MIS18BP1: variants seen among roughly 807,000 people sequenced by gnomAD.
MIS18BP1 encodes the protein mis18-binding protein 1.
A neutral mutation model predicts 116.1 loss-of-function variants in MIS18BP1; 72 were observed. That is an observed-to-expected ratio of 0.62 (90% CI 0.51 to 0.75). The LOEUF is 0.75. Among genes scored for constraint, MIS18BP1 ranks in the 30% least tolerant of loss-of-function variants. The pLI, the probability that MIS18BP1 is intolerant of heterozygous loss-of-function variation, is 0.00. For synonymous variants in MIS18BP1, 386 were observed against 427.0 expected (o/e 0.90, Z 1.18); for missense variants, 1,363 against 1,303.2 (o/e 1.05, Z -0.71).
At chr14:45,208,574 C>T (rs1890589724) in intron 14 of MIS18BP1, among the ~76,000 whole-genome samples, 1 of 152,056 alleles carries the variant, frequency 6.6e-6, no homozygotes, top group East Asian at 1.9e-4. Flanking sequence ...CCTTGTGATC[C>T]GTCGGCCTCA....
Position 45,226,754 on chromosome 14 carries a change from C to G in MIS18BP1, c.1829G>C (p.Ser610Thr). Residue 610 changes from serine (S) to threonine (T), a missense_variant, in exon 10 of 17, where the codon AGT (serine) becomes ACT (threonine). Transcript: ENST00000310806. ...TAAAGATATATTACCTTGCTTCTGACTTTTTATTATCCTTTCATTTGTTCT... is the reference window on the plus strand; with the variant it reads ...TAAAGATATATTACCTTGCTTCTGAGTTTTTATTATCCTTTCATTTGTTCT... ...GERTNERIIK[S>T]QKQETTEELD... 7.2e-7 allele frequency: 1 copy of G among 1,393,542 alleles called. No individual in the cohort carries two copies. Among genetic ancestry groups the G allele is most frequent in the African/African-American group, 1.5e-5 (1 of 67,644 alleles). 86.3% of individuals were successfully genotyped at this position (1,393,542 alleles called of 1,614,324 possible).
At chr14:45,231,888 T>C (rs1891287810) in intron 7 of MIS18BP1, among the ~76,000 whole-genome samples, 1 of 152,112 alleles carries the variant, frequency 6.6e-6, no homozygotes, top group South Asian at 2.1e-4. Context: ...TCAACTATAG[T>C]GTCTGTAAAG....
chr14:45,211,719 T>C (rs537631686), intron 13 of MIS18BP1, among the ~76,000 whole-genome samples: 5 of 152,324 alleles, frequency 3.3e-5, no homozygotes, highest in African/African-American at 1.2e-4. Flanking sequence ...GACACACCTA[T>C]CTGATCTTCT....
intron 7 of MIS18BP1, 42 bp from the exon 8 acceptor site, chr14:45,231,340 C>CA (rs1264114927): frequency 3.4e-6 from 5 of 1,462,232 alleles, no homozygotes; most frequent in South Asian, 2.8e-5. Flanking sequence ...TACTGATTCT[C>CA]AAAAAAACAA....
rs1457863908 is a variant in MIS18BP1, at chr14:45,224,750, T to C, written c.1841-4A>G. 12 of 1,546,078 alleles carry C rather than the reference T, an allele frequency of 7.8e-6. No individual in the cohort carries two copies. The highest frequency in any genetic ancestry group is 1.0e-5 in the Non-Finnish European group (12 of 1,151,996). ...ACATCCAATTCTTCAGTTGTCTCTT[T>C]AATTTCATAAGACAAAACCAAAGAC... On this transcript the variant is annotated splice_polypyrimidine_tract_variant and splice_region_variant and intron_variant, in intron 10 of 16. Coordinates refer to ENST00000310806, the MANE Select transcript of MIS18BP1 (RefSeq NM_018353.5).
chr14:45,219,217 T>A lies in MIS18BP1; in HGVS notation c.2670-763A>T, dbSNP rs151106600. ...AACTACACCAAGTCTTTATTTTTAA[T>A]CTGTTTCTTTGGCAAAATATTTTTA... On this transcript the variant is annotated intron_variant, in intron 11 of 16. Transcript: ENST00000310806. 1.0e-3 allele frequency among the ~76,000 whole-genome samples: 154 copies of A among 152,352 alleles called. 2 individuals are homozygous for A. In the East Asian group the frequency reaches 0.026, roughly 26 times the overall value.
At position 45,242,128 on chromosome 14, in the gene MIS18BP1, T is replaced by C. The variant is rs756501876; in HGVS notation, c.1049A>G (p.His350Arg). The C allele has an allele frequency of 2.5e-5, 41 of 1,614,028 alleles. 1 individual carries two copies. Among genetic ancestry groups the C allele is most frequent in the South Asian group, 5.5e-5 (5 of 91,080 alleles). Reference sequence around the variant, plus strand: ...TTTTGACCTCCGAGGTATTGTTATATGAAGTCTTGGTGTTGCAAGTACAAT... The same window carrying C: ...TTTTGACCTCCGAGGTATTGTTATACGAAGTCTTGGTGTTGCAAGTACAAT... ...CKIVLATPRL[H>R]ITIPRRSKRN... The change falls in exon 4 of 17, where the codon CAT (histidine) becomes CGT (arginine). Residue 350 changes from histidine to arginine, a missense_variant. Coordinates refer to ENST00000310806, the MANE Select transcript of MIS18BP1 (RefSeq NM_018353.5).
intron 14 of MIS18BP1, among the ~76,000 whole-genome samples, chr14:45,209,077 T>G (rs59375426): frequency 0.084 from 12,801 of 152,124 alleles, 1,517 homozygotes; most frequent in African/African-American, 0.26. Flanking sequence ...AGCCCCCCTC[T>G]CCTTCCTCCA....
At chr14:45,205,332 T>G (rs1037946806) in intron 15 of MIS18BP1, among the ~76,000 whole-genome samples, 2 of 152,154 alleles carry the variant, frequency 1.3e-5, no homozygotes, top group African/African-American at 2.4e-5. Flanking sequence ...CTCAAGTAAC[T>G]TGCTCAGTGT....
intron 11 of MIS18BP1, among the ~76,000 whole-genome samples, chr14:45,222,206 T>C (rs767916446): frequency 3.0e-4 from 45 of 152,218 alleles, no homozygotes; most frequent in Non-Finnish European, 1.8e-4. Context: ...GTCTTTTAAT[T>C]GGTATGTTTA....
chr14:45,237,586 A>T (rs1891463124), intron 5 of MIS18BP1, 62 bp downstream of exon 5: 2 of 1,528,050 alleles, frequency 1.3e-6, no homozygotes, highest in Admixed American at 4.6e-5. Context: ...TCATGCATTA[A>T]CTCTTAAGTG....
At chr14:45,228,217 T>C (rs1891178589) in intron 8 of MIS18BP1, among the ~76,000 whole-genome samples, 1 of 152,234 alleles carries the variant, frequency 6.6e-6, no homozygotes, top group Non-Finnish European at 1.5e-5. Flanking sequence ...TTGTTATAAT[T>C]TGACTAGGAT....
intron 13 of MIS18BP1, among the ~76,000 whole-genome samples, chr14:45,211,091 A>G (rs906072872): frequency 2.6e-5 from 4 of 152,160 alleles, no homozygotes; most frequent in Non-Finnish European, 5.9e-5. Context: ...GATAAACTAC[A>G]TGTGTTTCCA....
chr14:45,210,233 C>G, intron 14 of MIS18BP1, 147 bp downstream of exon 14: 1 of 764,146 alleles, frequency 1.3e-6, no homozygotes, highest in African/African-American at 1.8e-5. Context: ...TGAACTTGTC[C>G]ATCCTTAACT....
intron 7 of MIS18BP1, 60 bp from the exon 8 acceptor site, chr14:45,231,358 A>C (rs1891274977): frequency 9.2e-6 from 13 of 1,419,730 alleles, no homozygotes; most frequent in Admixed American, 7.0e-5. Flanking sequence ...CAAAACAAAA[A>C]AAATCTTCAT....
chr14:45,221,383 G>A (rs1890971057), intron 11 of MIS18BP1, among the ~76,000 whole-genome samples: 1 of 152,114 alleles, frequency 6.6e-6, no homozygotes. Flanking sequence ...CTTGCAGTGA[G>A]CAGAGATCGC....
intron 7 of MIS18BP1, 24 bp downstream of exon 7, chr14:45,232,709 T>C: frequency 7.9e-7 from 1 of 1,271,990 alleles, no homozygotes; most frequent in South Asian, 1.3e-5. Flanking sequence ...AGTTGACTTC[T>C]AAAAACATAA....
chr14:45,218,498 A>G, intron 11 of MIS18BP1, 44 bp from the exon 12 acceptor site: 1 of 1,526,696 alleles, frequency 6.6e-7, no homozygotes, highest in Non-Finnish European at 8.8e-7. Flanking sequence ...AATTCAAACC[A>G]ATGACAATAA....
chr14:45,239,296 T>C lies in MIS18BP1; in HGVS notation c.1144-1575A>G, dbSNP rs183410724. Among the ~76,000 whole-genome samples, 15 of 152,180 alleles carry C rather than the reference T, an allele frequency of 9.9e-5. No individual in the cohort carries two copies. The East Asian group carries it at 1.9e-3, about 20-fold the overall frequency. Reference sequence around the variant, plus strand: ...CAGGATAATGGCATCTAAACCAATATGAAAATGTCAGGTGGTGGTAATTAC... The same window carrying C: ...CAGGATAATGGCATCTAAACCAATACGAAAATGTCAGGTGGTGGTAATTAC... On this transcript the variant is annotated intron_variant, in intron 4 of 16. Coordinates refer to ENST00000310806, the MANE Select transcript of MIS18BP1 (RefSeq NM_018353.5).
Sources: allele counts gnomAD v4.1 joint callset (sites outside exome capture counted in the v4.1 genomes callset), GRCh38; gene constraint gnomAD v4.1.1; transcripts MANE v1.5; gene names NCBI Gene and HGNC (gene_info 2026-07-23, HGNC 2026-07-21).